SLC35F1: variants seen among roughly 807,000 people sequenced by gnomAD.
The protein encoded by SLC35F1 is chromosome 6 open reading frame 169.
Under a neutral mutation model 48.7 loss-of-function variants are expected in SLC35F1, and 14 were observed. The ratio of observed to expected loss-of-function variants is 0.29; its 90% CI spans 0.19 to 0.45. SLC35F1 has a LOEUF of 0.45. SLC35F1 is among the 20% of genes least tolerant of loss of function. SLC35F1 has a pLI of 1.00. For missense variants in SLC35F1, 404 were observed against 500.0 expected, an observed-to-expected ratio of 0.81 and a Z score of 1.83; for synonymous variants, 190 against 202.2, an observed-to-expected ratio of 0.94 and a Z score of 0.51.
At position 118,047,997 on chromosome 6, in the gene SLC35F1, A is replaced by G. The variant is rs1470694485; in HGVS notation, c.174-106448A>G. Among the ~76,000 whole-genome samples the G allele has an allele frequency of 2.6e-5, 4 of 152,168 alleles. No individual in the cohort carries two copies. In the East Asian group the frequency reaches 7.7e-4, roughly 29 times the overall value. ...GAATGCTTCCAGTTTTTGCCCATTC[A>G]GTATGATATTGGCTGTGGGTTTGTC... On this transcript the variant is annotated intron_variant, in intron 1 of 7. Coordinates refer to ENST00000360388, the MANE Select transcript of SLC35F1 (RefSeq NM_001029858.4).
intron 1 of SLC35F1, 93 bp from the exon 2 acceptor site, chr6:118,154,352 T>C: frequency 9.5e-7 from 1 of 1,048,870 alleles, no homozygotes; most frequent in Non-Finnish European, 1.4e-6. Context: ...CTTAATCCAG[T>C]GCATGCTACC....
At chr6:118,163,032 G>A (rs969625395) in intron 2 of SLC35F1, among the ~76,000 whole-genome samples, 9 of 151,354 alleles carry the variant, frequency 5.9e-5, no homozygotes, top group Non-Finnish European at 1.0e-4. Context: ...ATCTCGAGAG[G>A]CTCACTGCAA....
intron 1 of SLC35F1, among the ~76,000 whole-genome samples, chr6:118,010,589 C>T (rs79840737): frequency 3.3e-5 from 5 of 152,210 alleles, no homozygotes; most frequent in East Asian, 1.9e-4. Context: ...AATGTTAACA[C>T]GTACAAAAGG....
At chr6:118,041,281 A>G (rs193059260) in intron 1 of SLC35F1, among the ~76,000 whole-genome samples, 2 of 152,238 alleles carry the variant, frequency 1.3e-5, no homozygotes, top group East Asian at 3.9e-4. Flanking sequence ...TCTTGAAAGT[A>G]TTTTATATAT....
intron 1 of SLC35F1, among the ~76,000 whole-genome samples, chr6:118,104,777 A>C (rs1329742442): frequency 6.6e-6 from 1 of 152,180 alleles, no homozygotes; most frequent in African/African-American, 2.4e-5. Flanking sequence ...GCAAGTTAAA[A>C]AGACCTTGAG....
intron 1 of SLC35F1, among the ~76,000 whole-genome samples, chr6:118,027,816 A>G (rs1771980779): frequency 1.3e-5 from 2 of 152,034 alleles, no homozygotes; most frequent in African/African-American, 4.8e-5. Context: ...ATGAAGTCCA[A>G]TTTGTATTGT....
At chr6:118,227,556 A>G (rs79636962) in intron 2 of SLC35F1, among the ~76,000 whole-genome samples, 4,708 of 152,302 alleles carry the variant, frequency 0.031, 250 homozygotes, top group African/African-American at 0.11. Flanking sequence ...CGTAAAAAAT[A>G]CCAGAACCTT....
intron 1 of SLC35F1, among the ~76,000 whole-genome samples, chr6:118,070,286 A>C (rs1455841354): frequency 6.6e-6 from 1 of 152,044 alleles, no homozygotes; most frequent in Non-Finnish European, 1.5e-5. Flanking sequence ...GTAAAACTTA[A>C]ATTTTAGAGA....
intron 2 of SLC35F1, among the ~76,000 whole-genome samples, chr6:118,221,263 T>C (rs1775146569): frequency 6.6e-6 from 1 of 152,128 alleles, no homozygotes; most frequent in Non-Finnish European, 1.5e-5. Flanking sequence ...ATAGATCGCT[T>C]TGTCTGTAAA....
intron 2 of SLC35F1, among the ~76,000 whole-genome samples, chr6:118,167,171 C>A (rs114590697): frequency 2.0e-5 from 3 of 152,104 alleles, no homozygotes; most frequent in Admixed American, 1.3e-4. Flanking sequence ...TCTCCTACCC[C>A]CTCCAAGTTC....
chr6:118,300,828 G>A (rs369493056), intron 7 of SLC35F1, among the ~76,000 whole-genome samples: 2 of 152,004 alleles, frequency 1.3e-5, no homozygotes, highest in African/African-American at 2.4e-5. Flanking sequence ...TTTTAAATAA[G>A]TACATTATAA....
intron 1 of SLC35F1, among the ~76,000 whole-genome samples, chr6:117,957,440 G>A (rs1048665669): frequency 6.6e-6 from 1 of 152,176 alleles, no homozygotes; most frequent in Non-Finnish European, 1.5e-5. Context: ...TTTCTACCAA[G>A]CATCCAAAAA....
At chr6:118,311,986 T>C (rs1776377681) in intron 7 of SLC35F1, among the ~76,000 whole-genome samples, 1 of 152,190 alleles carries the variant, frequency 6.6e-6, no homozygotes, top group African/African-American at 2.4e-5. Flanking sequence ...ATTTAATATT[T>C]TAACCACCCT....
At chr6:118,176,234 A>G (rs1289760786) in intron 2 of SLC35F1, among the ~76,000 whole-genome samples, 1 of 152,090 alleles carries the variant, frequency 6.6e-6, no homozygotes, top group Non-Finnish European at 1.5e-5. Context: ...TTCCAAGCTA[A>G]ATATCCCCAT....
intron 1 of SLC35F1, among the ~76,000 whole-genome samples, chr6:118,035,008 G>A (rs1772105901): frequency 6.6e-6 from 1 of 152,016 alleles, no homozygotes; most frequent in African/African-American, 2.4e-5. Context: ...AAACCACCTG[G>A]GCTTGGAATT....
At chr6:118,109,379 A>G (rs1165175203) in intron 1 of SLC35F1, among the ~76,000 whole-genome samples, 1 of 152,208 alleles carries the variant, frequency 6.6e-6, no homozygotes, top group African/African-American at 2.4e-5. Context: ...CAATACCTCT[A>G]GAAAGTTTTT....
chr6:118,087,715 A>G (rs1773012264), intron 1 of SLC35F1, among the ~76,000 whole-genome samples: 1 of 152,122 alleles, frequency 6.6e-6, no homozygotes, highest in East Asian at 1.9e-4. Context: ...ACTCATCCAA[A>G]AAGCTCAACT....
At chr6:118,263,752 C>A (rs1395135276) in intron 3 of SLC35F1, among the ~76,000 whole-genome samples, 2 of 152,100 alleles carry the variant, frequency 1.3e-5, no homozygotes, top group Non-Finnish European at 1.5e-5. Context: ...TCTCTAACAA[C>A]CACTTAGCCA....
At chr6:118,111,361 AT>A (rs1773397237) in intron 1 of SLC35F1, among the ~76,000 whole-genome samples, 4 of 152,298 alleles carry the variant, frequency 2.6e-5, no homozygotes, top group Middle Eastern at 3.4e-3. Context: ...AGGAGAAGAC[AT>A]CTTACCTACA....
Sources: allele counts gnomAD v4.1 joint callset (sites outside exome capture counted in the v4.1 genomes callset), GRCh38; gene constraint gnomAD v4.1.1; transcripts MANE v1.5; gene names NCBI Gene and HGNC (gene_info 2026-07-23, HGNC 2026-07-21).